Variants in CADM2 observed in about 807,000 individuals in gnomAD.
CADM2 encodes the protein cell adhesion molecule 2, also known as immunoglobulin superfamily member 4D.
A neutral mutation model predicts 49.8 loss-of-function variants in CADM2; 12 were observed. The observed-to-expected ratio is 0.24, with a 90% CI of 0.15 to 0.39. CADM2 has a LOEUF of 0.39. Ranked by LOEUF, CADM2 falls within the 10% of genes least tolerant of loss-of-function variation. The probability of loss-of-function intolerance (pLI) is 1.00; values close to 1 mark genes in which losing one functional copy is unlikely to be tolerated. For synonymous variants in CADM2, 214 were observed against 175.4 expected (o/e 1.22, Z -1.74); for missense variants, 378 against 492.3 (o/e 0.77, Z 2.20).
chr3:85,206,369 G>A (rs1351019963), intron 1 of CADM2, among the ~76,000 whole-genome samples: 9 of 148,250 alleles, frequency 6.1e-5, no homozygotes, highest in Middle Eastern at 3.4e-3. Flanking sequence ...GTGCAGTGGC[G>A]CAATCTCGAC....
intron 1 of CADM2, among the ~76,000 whole-genome samples, chr3:85,081,219 T>A (rs1048947241): frequency 2.6e-5 from 4 of 152,142 alleles, no homozygotes; most frequent in Non-Finnish European, 5.9e-5. Flanking sequence ...TCCTGTTAAG[T>A]TGGTGTCTGT....
At chr3:85,986,727 A>G (rs1366902908) in intron 8 of CADM2, among the ~76,000 whole-genome samples, 1 of 152,122 alleles carries the variant, frequency 6.6e-6, no homozygotes, top group Non-Finnish European at 1.5e-5. Context: ...AATATCTAAA[A>G]TAGTTCATAG....
chr3:85,871,688 T>C (rs1441580107), intron 3 of CADM2, among the ~76,000 whole-genome samples: 1 of 152,130 alleles, frequency 6.6e-6, no homozygotes, highest in African/African-American at 2.4e-5. Context: ...CTCCATAAAT[T>C]AACATTACTC....
At chr3:85,192,157 C>T (rs2041225066) in intron 1 of CADM2, among the ~76,000 whole-genome samples, 1 of 151,580 alleles carries the variant, frequency 6.6e-6, no homozygotes, top group South Asian at 2.1e-4. Flanking sequence ...AGGGGCCTGT[C>T]AAATCAACTT....
At chr3:85,419,164 A>T (rs1260945268) in intron 1 of CADM2, among the ~76,000 whole-genome samples, 2 of 152,102 alleles carry the variant, frequency 1.3e-5, no homozygotes, top group African/African-American at 4.8e-5. Flanking sequence ...TGAATAAAAC[A>T]TGCAGTGAGG....
At chr3:85,910,713 C>G (rs999370498) in intron 5 of CADM2, among the ~76,000 whole-genome samples, 3 of 151,996 alleles carry the variant, frequency 2.0e-5, no homozygotes, top group African/African-American at 7.2e-5. Flanking sequence ...TTCAGAATTG[C>G]CTAACATACA....
At chr3:84,991,778 C>G (rs2032905002) in intron 1 of CADM2, among the ~76,000 whole-genome samples, 1 of 152,116 alleles carries the variant, frequency 6.6e-6, no homozygotes, top group Non-Finnish European at 1.5e-5. Context: ...AGGGGATAAA[C>G]TGTGGTTCAT....
chr3:85,940,589 A>G (rs1318852242), intron 7 of CADM2, among the ~76,000 whole-genome samples: 2 of 152,148 alleles, frequency 1.3e-5, no homozygotes, highest in African/African-American at 4.8e-5. Flanking sequence ...TATTTGGCCT[A>G]ATATATAGCA....
intron 1 of CADM2, among the ~76,000 whole-genome samples, chr3:85,023,055 ATT>A (rs1402393014): frequency 6.6e-6 from 1 of 152,158 alleles, no homozygotes; most frequent in Non-Finnish European, 1.5e-5. Context: ...GCTCAGAATA[ATT>A]TATACTATTA....
intron 8 of CADM2, among the ~76,000 whole-genome samples, chr3:85,964,479 C>G (rs1271148166): frequency 6.6e-6 from 1 of 151,648 alleles, no homozygotes; most frequent in Non-Finnish European, 1.5e-5. Context: ...TTTAAGTGCA[C>G]TATTAAGCAT....
At chr3:85,590,053 T>A (rs1377645519) in intron 1 of CADM2, among the ~76,000 whole-genome samples, 2 of 151,982 alleles carry the variant, frequency 1.3e-5, no homozygotes, top group African/African-American at 4.8e-5. Context: ...AAGGAGTGTA[T>A]ATTTATTTAC....
rs532082892 is a variant in CADM2, at chr3:86,056,853, G to T, written c.971-8752G>T. ...CAGATATAAACATGTGGGGCCATTTGTTTTTTATGAGCTTCATGGGAAAAT... is the reference window on the plus strand; with the variant it reads ...CAGATATAAACATGTGGGGCCATTTTTTTTTTATGAGCTTCATGGGAAAAT... On this transcript the variant is annotated intron_variant, in intron 8 of 9. Transcript: ENST00000383699. Among the ~76,000 whole-genome samples, 15 of 152,244 alleles carry T rather than the reference G, an allele frequency of 9.9e-5. No homozygotes were observed. The South Asian group carries it at 3.1e-3, about 32-fold the overall frequency.
chr3:85,819,107 T>G (rs1333102907), intron 3 of CADM2, among the ~76,000 whole-genome samples: 1 of 151,992 alleles, frequency 6.6e-6, no homozygotes, highest in Non-Finnish European at 1.5e-5. Context: ...CTGGTGTAAG[T>G]CCAAGGGTCT....
At chr3:85,990,188 G>A (rs964910792) in intron 8 of CADM2, among the ~76,000 whole-genome samples, 1 of 151,878 alleles carries the variant, frequency 6.6e-6, no homozygotes, top group Non-Finnish European at 1.5e-5. Context: ...AGTGATACAC[G>A]TCAGTAGAAT....
At chr3:85,206,570 G>A (rs2107757991) in intron 1 of CADM2, among the ~76,000 whole-genome samples, 1 of 152,104 alleles carries the variant, frequency 6.6e-6, no homozygotes, top group Non-Finnish European at 1.5e-5. Context: ...GCCTCCCAAA[G>A]TGCTGGGATT....
At chr3:85,260,688 A>G (rs1177759620) in intron 1 of CADM2, among the ~76,000 whole-genome samples, 1 of 152,108 alleles carries the variant, frequency 6.6e-6, no homozygotes, top group Non-Finnish European at 1.5e-5. Flanking sequence ...ATTATTTGCA[A>G]TTTCTACTAC....
intron 2 of CADM2, among the ~76,000 whole-genome samples, chr3:85,741,650 A>C (rs910549090): frequency 2.6e-5 from 4 of 152,170 alleles, no homozygotes; most frequent in African/African-American, 9.7e-5. Flanking sequence ...CCTGGGCGAC[A>C]GGCAAGACTC....
chr3:85,834,003 T>C (rs899507184), intron 3 of CADM2, among the ~76,000 whole-genome samples: 1 of 151,670 alleles, frequency 6.6e-6, no homozygotes, highest in African/African-American at 2.4e-5. Context: ...ATGGGATGTA[T>C]TTTCATTTAT....
chr3:85,289,979 A>G (rs560446733), intron 1 of CADM2, among the ~76,000 whole-genome samples: 5 of 152,340 alleles, frequency 3.3e-5, no homozygotes, highest in African/African-American at 1.2e-4. Context: ...TACAGCTACC[A>G]GCGTGAGCTC....
Sources: gnomAD v4.1 joint callset for allele counts (sites outside exome capture counted in the v4.1 genomes callset) on GRCh38, gnomAD v4.1.1 for gene constraint, MANE v1.5 for transcripts, NCBI Gene and HGNC (gene_info 2026-07-23, HGNC 2026-07-21) for gene names.